The following TNR variants were observed in gnomAD, a reference collection of about 807,000 sequenced individuals.
The protein encoded by TNR is tenascin-R.
In TNR, 45 loss-of-function variants were observed where a neutral mutation model predicts 150.4. The observed-to-expected ratio is 0.30, with a 90% CI of 0.24 to 0.38. The LOEUF (loss-of-function observed/expected upper bound fraction) is 0.38, where lower values mean the gene tolerates loss of function less well. Among genes scored for constraint, TNR ranks in the 10% least tolerant of loss-of-function variants. The pLI is 1.00. For synonymous variants in TNR, 687 were observed against 678.4 expected (o/e 1.01, Z -0.20); for missense variants, 1,544 against 1,759.1 (o/e 0.88, Z 2.19).
chr1:175,660,674 A>G (rs945905950), intron 1 of TNR, among the ~76,000 whole-genome samples: 4 of 152,180 alleles, frequency 2.6e-5, no homozygotes, highest in African/African-American at 9.7e-5. Flanking sequence ...TTGGAGAGGG[A>G]GTGAGAAGTT....
chr1:175,591,048 G>C (rs1218010814), intron 1 of TNR, among the ~76,000 whole-genome samples: 2 of 152,342 alleles, frequency 1.3e-5, no homozygotes, highest in Middle Eastern at 3.4e-3. Flanking sequence ...GAACTGGGGA[G>C]GGGAGATCAC....
At chr1:175,456,222 A>G (rs745497917) in intron 2 of TNR, among the ~76,000 whole-genome samples, 5 of 152,150 alleles carry the variant, frequency 3.3e-5, no homozygotes, top group Non-Finnish European at 7.4e-5. Context: ...GGAAGGTCAC[A>G]TGACTTGTTC....
intron 2 of TNR, among the ~76,000 whole-genome samples, chr1:175,521,313 C>T (rs1659629470): frequency 6.6e-6 from 1 of 152,160 alleles, no homozygotes; most frequent in African/African-American, 2.4e-5. Context: ...GTTCTTTACA[C>T]CCAATTGTTA....
At chr1:175,489,277 A>G (rs1247331291) in intron 2 of TNR, among the ~76,000 whole-genome samples, 2 of 152,140 alleles carry the variant, frequency 1.3e-5, no homozygotes, top group Non-Finnish European at 2.9e-5. Flanking sequence ...TCCACTTCTG[A>G]GTGCATAACT....
intron 2 of TNR, among the ~76,000 whole-genome samples, chr1:175,484,035 C>T (rs535791971): frequency 2.6e-5 from 4 of 152,312 alleles, no homozygotes; most frequent in East Asian, 3.9e-4. Flanking sequence ...TGGACAAGAA[C>T]GTTGTTTGCC....
intron 2 of TNR, among the ~76,000 whole-genome samples, chr1:175,488,932 T>C (rs1297490074): frequency 6.6e-6 from 1 of 152,212 alleles, no homozygotes; most frequent in African/African-American, 2.4e-5. Flanking sequence ...ACAGTAATCC[T>C]GAGGACAAAG....
chr1:175,448,348 A>G (rs1217878574), intron 2 of TNR, among the ~76,000 whole-genome samples: 5 of 152,082 alleles, frequency 3.3e-5, no homozygotes, highest in Non-Finnish European at 7.3e-5. Context: ...AGTAGCTGGG[A>G]CTACAGGTGT....
At chr1:175,442,375 A>G (rs887770666) in intron 2 of TNR, among the ~76,000 whole-genome samples, 1 of 152,174 alleles carries the variant, frequency 6.6e-6, no homozygotes, top group Non-Finnish European at 1.5e-5. Flanking sequence ...GATGAAAGCA[A>G]GTGGAAGTGA....
chr1:175,321,309 C>T lies in TNR; in HGVS notation c.*2048G>A, dbSNP rs1649033460. The T allele has an allele frequency of 6.6e-6, 1 of 152,244 alleles. No homozygotes were observed. Among genetic ancestry groups the T allele is most frequent in the African/African-American group, 2.4e-5 (1 of 41,462 alleles). 9.4% of individuals were successfully genotyped at this position (152,244 alleles called of 1,614,324 possible). The stretch of plus-strand genomic sequence containing the variant: ...AAGCCTGCGGCAAGGGAAGCGCCTC[C>T]ATTCAATGGTGGCTGGCTGCATCCC... On this transcript the variant is annotated 3_prime_UTR_variant, in exon 23 of 23. Coordinates refer to ENST00000367674, the MANE Select transcript of TNR (RefSeq NM_003285.3).
At chr1:175,434,818 A>G (rs1655424749) in intron 2 of TNR, among the ~76,000 whole-genome samples, 1 of 152,120 alleles carries the variant, frequency 6.6e-6, no homozygotes, top group Admixed American at 6.5e-5. Flanking sequence ...AACCCTTGAC[A>G]ATTCTTGGTT....
intron 1 of TNR, among the ~76,000 whole-genome samples, chr1:175,687,691 G>A (rs1274056027): frequency 3.3e-5 from 5 of 151,808 alleles, no homozygotes; most frequent in Non-Finnish European, 7.4e-5. Context: ...CAATAATGGG[G>A]ACTGAATTCA....
At chr1:175,496,730 A>T (rs922464393) in intron 2 of TNR, among the ~76,000 whole-genome samples, 3 of 152,232 alleles carry the variant, frequency 2.0e-5, no homozygotes, top group East Asian at 1.9e-4. Context: ...CCTAGCTGTT[A>T]AAAAGGGACA....
At position 175,362,620 on chromosome 1, in the gene TNR, T is replaced by C. The variant is rs1161576703; in HGVS notation, c.2854+43A>G. The C allele has an allele frequency of 1.9e-6, 3 of 1,596,764 alleles. No homozygotes were observed. The South Asian group carries it at 3.3e-5, about 18-fold the overall frequency. ...AGCCCGAACAACTTCACCCAGATCT[T>C]CAGCCAGGGTTCTGACTTGACACAG... is the stretch of plus-strand genomic sequence containing the variant. On this transcript the variant is annotated intron_variant, in intron 14 of 22. Coordinates refer to ENST00000367674, the MANE Select transcript of TNR (RefSeq NM_003285.3).
intron 9 of TNR, among the ~76,000 whole-genome samples, chr1:175,375,494 A>T (rs1413295808): frequency 6.6e-6 from 1 of 151,998 alleles, no homozygotes; most frequent in African/African-American, 2.4e-5. Context: ...GAGTGTTTGA[A>T]TTTTGGGCAC....
At chr1:175,342,431 A>G (rs1381619226) in intron 18 of TNR, among the ~76,000 whole-genome samples, 1 of 152,230 alleles carries the variant, frequency 6.6e-6, no homozygotes, top group Non-Finnish European at 1.5e-5. Context: ...CAGGAGACAG[A>G]GCAAGAATTG....
At chr1:175,605,317 T>C (rs1663373076) in intron 1 of TNR, among the ~76,000 whole-genome samples, 1 of 152,212 alleles carries the variant, frequency 6.6e-6, no homozygotes, top group African/African-American at 2.4e-5. Context: ...TATCTCACTG[T>C]TGAGAGGTTT....
At chr1:175,653,648 A>G (rs1337673510) in intron 1 of TNR, among the ~76,000 whole-genome samples, 1 of 152,166 alleles carries the variant, frequency 6.6e-6, no homozygotes, top group Non-Finnish European at 1.5e-5. Context: ...CTGTATCTTG[A>G]GTTTATAGGA....
chr1:175,392,194 C>T (rs188274141), intron 6 of TNR, among the ~76,000 whole-genome samples: 455 of 152,268 alleles, frequency 3.0e-3, no homozygotes, highest in Middle Eastern at 0.017. Context: ...TCTATCTTAT[C>T]GTTCCCTCTC....
At chr1:175,486,192 G>A (rs182931443) in intron 2 of TNR, among the ~76,000 whole-genome samples, 18 of 151,710 alleles carry the variant, frequency 1.2e-4, no homozygotes, top group Non-Finnish European at 2.6e-4. Context: ...TGTTGCATCG[G>A]TATACACGTG....
Sources: gnomAD v4.1 joint callset for allele counts (sites outside exome capture counted in the v4.1 genomes callset) on GRCh38, gnomAD v4.1.1 for gene constraint, MANE v1.5 for transcripts, NCBI Gene and HGNC (gene_info 2026-07-23, HGNC 2026-07-21) for gene names.